GALNT18: variants seen among roughly 807,000 people sequenced by gnomAD.
GALNT18 encodes GalNAc-transferase 18.
A neutral mutation model predicts 69.5 loss-of-function variants in GALNT18; 44 were observed. The observed-to-expected ratio is 0.63, with a 90% CI of 0.50 to 0.81. The LOEUF is 0.81. Among genes scored for constraint, GALNT18 ranks in the 40% least tolerant of loss-of-function variants. The pLI is 0.00. For missense variants in GALNT18, 715 were observed against 810.0 expected (o/e 0.88, Z 1.42); for synonymous variants, 364 against 318.2 (o/e 1.14, Z -1.53).
chr11:11,464,415 G>A (rs901432572), intron 1 of GALNT18, among the ~76,000 whole-genome samples: 48 of 152,142 alleles, frequency 3.2e-4, no homozygotes, highest in Non-Finnish European at 4.7e-4. Flanking sequence ...TGGGCACCCA[G>A]AGATGGCACC....
rs1859228845 is a variant in GALNT18, at chr11:11,586,483, G to T, written c.235+34876C>A. Among the ~76,000 whole-genome samples the T allele has an allele frequency of 6.6e-6, 1 of 152,106 alleles. No homozygotes were observed. Among genetic ancestry groups the T allele is most frequent in the African/African-American group, 2.4e-5 (1 of 41,416 alleles). ...AGCTAAAAGATAGGAAATTCTACCT[G>T]TTCAGGGCCCAGCATCCATAACTAG... On this transcript the variant is annotated intron_variant, in intron 1 of 10. Transcript: ENST00000227756. The surrounding 1 kb of genome is among the most constrained non-coding windows in gnomAD (Gnocchi z 4.1).
chr11:11,428,227 G>A (rs562317515), intron 3 of GALNT18, among the ~76,000 whole-genome samples: 2 of 152,348 alleles, frequency 1.3e-5, no homozygotes, highest in South Asian at 4.1e-4. Context: ...TCCAAGTCAG[G>A]CTGAGATCCG....
At chr11:11,533,471 G>A (rs903575484) in intron 1 of GALNT18, among the ~76,000 whole-genome samples, 5 of 152,126 alleles carry the variant, frequency 3.3e-5, no homozygotes, top group South Asian at 4.2e-4. Flanking sequence ...ATCCACATAC[G>A]TCTCCCTAAG....
rs1196028655 is a variant in GALNT18, at chr11:11,538,124, G to A, written c.235+83235C>T. On this transcript the variant is annotated intron_variant, in intron 1 of 10. Transcript: ENST00000227756. The surrounding 1 kb of genome is among the most constrained non-coding windows in gnomAD (Gnocchi z 5.2). Reference sequence around the variant, plus strand: ...GAGTTATCATCGACCTTGTTTTGCAGAGGGTGAAATTCAGGCTGGAAGAGT... The same window carrying A: ...GAGTTATCATCGACCTTGTTTTGCAAAGGGTGAAATTCAGGCTGGAAGAGT... Among the ~76,000 whole-genome samples the A allele has an allele frequency of 6.6e-6, 1 of 152,166 alleles. No homozygotes were observed. The highest frequency in any genetic ancestry group is 2.4e-5 in the African/African-American group (1 of 41,434).
intron 1 of GALNT18, among the ~76,000 whole-genome samples, chr11:11,607,987 A>T (rs1300115831): frequency 3.3e-5 from 5 of 152,246 alleles, no homozygotes; most frequent in Non-Finnish European, 7.3e-5. Flanking sequence ...TCCACAAACA[A>T]GGGCAGGTCC....
At chr11:11,417,185 C>T (rs185051593) in intron 3 of GALNT18, among the ~76,000 whole-genome samples, 40 of 152,310 alleles carry the variant, frequency 2.6e-4, no homozygotes, top group Admixed American at 1.8e-3. Flanking sequence ...CTTTCTGAAA[C>T]GGCTGCTCAG....
At chr11:11,355,797 A>C (rs1190259516) in intron 6 of GALNT18, among the ~76,000 whole-genome samples, 2 of 152,184 alleles carry the variant, frequency 1.3e-5, no homozygotes, top group African/African-American at 2.4e-5. Context: ...GGAATAAAAC[A>C]GAGCACCCCA....
intron 6 of GALNT18, among the ~76,000 whole-genome samples, chr11:11,343,841 C>T (rs1850253198): frequency 6.6e-6 from 1 of 152,228 alleles, no homozygotes; most frequent in South Asian, 2.1e-4. Flanking sequence ...GTGGGCACAT[C>T]TGCCGTCATT....
intron 10 of GALNT18, among the ~76,000 whole-genome samples, chr11:11,277,330 G>A (rs1301314623): frequency 6.6e-6 from 1 of 152,178 alleles, no homozygotes; most frequent in Non-Finnish European, 1.5e-5. Context: ...ATGGTAGTTT[G>A]TATTTCTGTG....
chr11:11,403,259 G>T (rs1453231359), intron 3 of GALNT18, among the ~76,000 whole-genome samples: 2 of 152,144 alleles, frequency 1.3e-5, no homozygotes, highest in Non-Finnish European at 2.9e-5. Context: ...TTCCGATATG[G>T]GGTCCATGCC....
rs1857156393 is a variant in GALNT18, at chr11:11,511,140, C to A, written c.236-62204G>T. 6.6e-6 allele frequency among the ~76,000 whole-genome samples: 1 copy of A among 152,172 alleles called. No homozygotes were observed. Among genetic ancestry groups the A allele is most frequent in the African/African-American group, 2.4e-5 (1 of 41,438 alleles). On this transcript the variant is annotated intron_variant, in intron 1 of 10. Transcript: ENST00000227756. The surrounding 1 kb of genome is among the most constrained non-coding windows in gnomAD (Gnocchi z 4.9). The stretch of plus-strand genomic sequence containing the variant: ...CTCTCCCGGGGGTTGTAAAAACAGG[C>A]TGCCCCTCCTTTTGGACTGAATGAG...
intron 6 of GALNT18, among the ~76,000 whole-genome samples, chr11:11,363,772 T>G (rs2133083930): frequency 6.6e-6 from 1 of 152,176 alleles, no homozygotes; most frequent in Non-Finnish European, 1.5e-5. Flanking sequence ...CAGATTGTGG[T>G]TTTAAATACC....
At chr11:11,575,861 T>G (rs1590111960) in intron 1 of GALNT18, among the ~76,000 whole-genome samples, 1 of 152,244 alleles carries the variant, frequency 6.6e-6, no homozygotes, top group South Asian at 2.1e-4. Context: ...ATTATCATCA[T>G]GGCCACTCCT....
rs925174584 is a variant in GALNT18 at position 11,318,715 on chromosome 11, T to C, written c.1512+8371A>G. Among the ~76,000 whole-genome samples, 9 of 152,144 alleles carry C rather than the reference T, an allele frequency of 5.9e-5. No individual in the cohort carries two copies. Among genetic ancestry groups the C allele is most frequent in the African/African-American group, 2.2e-4 (9 of 41,434 alleles). On this transcript the variant is annotated intron_variant, in intron 9 of 10. Transcript: ENST00000227756. This position sits in a 1 kb window ranked among gnomAD's most constrained non-coding sequence, Gnocchi z 5.1. ...TAGTGGCCTGGAGTGTCCCTCGACC[T>C]TCAACAAACTTTGTGAAAAGAGTAA... is the stretch of plus-strand genomic sequence containing the variant.
chr11:11,508,512 C>T (rs180922849), intron 1 of GALNT18, among the ~76,000 whole-genome samples: 198 of 152,316 alleles, frequency 1.3e-3, no homozygotes, highest in Non-Finnish European at 2.2e-3. Context: ...GTACTTCATT[C>T]GTTTGTAATT....
chr11:11,474,538 G>A (rs1856345936), intron 1 of GALNT18, among the ~76,000 whole-genome samples: 4 of 152,190 alleles, frequency 2.6e-5, no homozygotes, highest in African/African-American at 9.7e-5. Context: ...AATGGAAGGA[G>A]GCCAGTGCGT....
intron 1 of GALNT18, among the ~76,000 whole-genome samples, chr11:11,574,419 G>A (rs1362080518): frequency 6.6e-6 from 1 of 152,166 alleles, no homozygotes; most frequent in Non-Finnish European, 1.5e-5. Context: ...GGACTTAAAG[G>A]TCTGATTTTG....
chr11:11,599,101 T>C (rs1859572082), intron 1 of GALNT18, among the ~76,000 whole-genome samples: 1 of 152,158 alleles, frequency 6.6e-6, no homozygotes, highest in Non-Finnish European at 1.5e-5. Flanking sequence ...AAGTGTCTAT[T>C]AGGTCTAATT....
chr11:11,306,441 A>G (rs943026866), intron 9 of GALNT18, among the ~76,000 whole-genome samples: 38 of 152,216 alleles, frequency 2.5e-4, no homozygotes, highest in African/African-American at 8.9e-4. Flanking sequence ...GGCTGATTTT[A>G]ATCTGCAGAT....
Sources: allele counts gnomAD v4.1 joint callset (sites outside exome capture counted in the v4.1 genomes callset), GRCh38; gene constraint gnomAD v4.1.1; non-coding constraint Gnocchi (gnomAD v3.1); transcripts MANE v1.5; gene names NCBI Gene and HGNC (gene_info 2026-07-23, HGNC 2026-07-21).